The following GRIK4 variants were observed in gnomAD, a reference collection of about 807,000 sequenced individuals.
GRIK4 encodes glutamate receptor ionotropic, kainate 4.
Under a neutral mutation model 104.9 loss-of-function variants are expected in GRIK4, and 40 were observed. The observed-to-expected ratio is 0.38, with a 90% confidence interval of 0.30 to 0.50. The LOEUF is 0.50. Ranked by LOEUF, GRIK4 falls within the 20% of genes least tolerant of loss-of-function variation. The pLI is 0.93. For synonymous variants in GRIK4, 485 were observed against 524.9 expected, an observed-to-expected ratio of 0.92 and a Z score of 1.04; for missense variants, 1,047 against 1,308.1, an observed-to-expected ratio of 0.80 and a Z score of 3.08.
intron 1 of GRIK4, among the ~76,000 whole-genome samples, chr11:120,533,243 A>C (rs1299831296): frequency 1.3e-5 from 2 of 152,172 alleles, no homozygotes; most frequent in Non-Finnish European, 2.9e-5. Flanking sequence ...GTCAGAGGGG[A>C]CTTCTAGAGT....
At chr11:120,804,005 A>T (rs1481205554) in intron 4 of GRIK4, among the ~76,000 whole-genome samples, 1 of 152,180 alleles carries the variant, frequency 6.6e-6, no homozygotes, top group Non-Finnish European at 1.5e-5. Context: ...GCAGTCCATG[A>T]GACCTCCCTA....
At chr11:120,766,148 G>A (rs995645717) in intron 3 of GRIK4, among the ~76,000 whole-genome samples, 4 of 152,224 alleles carry the variant, frequency 2.6e-5, no homozygotes, top group African/African-American at 9.6e-5. Context: ...GAGATGCCTT[G>A]CCCAGAGAGG....
intron 3 of GRIK4, among the ~76,000 whole-genome samples, chr11:120,695,838 C>T (rs1296770446): frequency 1.3e-5 from 2 of 152,220 alleles, no homozygotes; most frequent in Non-Finnish European, 2.9e-5. Context: ...CAGCCAAGGA[C>T]CCAACTGAGT....
intron 3 of GRIK4, among the ~76,000 whole-genome samples, chr11:120,788,373 A>G (rs1010393387): frequency 6.6e-6 from 1 of 152,016 alleles, no homozygotes; most frequent in African/African-American, 2.4e-5. Context: ...ATGTTCTTGT[A>G]TGTGTCATTA....
intron 1 of GRIK4, among the ~76,000 whole-genome samples, chr11:120,553,726 T>TA (rs1948161368): frequency 1.3e-5 from 2 of 152,012 alleles, no homozygotes; most frequent in Admixed American, 6.5e-5. Context: ...TAAAAGGGGT[T>TA]AGGGAGCAGG....
At chr11:120,593,283 C>T (rs1351049276) in intron 1 of GRIK4, among the ~76,000 whole-genome samples, 1 of 151,810 alleles carries the variant, frequency 6.6e-6, no homozygotes, top group African/African-American at 2.4e-5. Flanking sequence ...TGGGCATACA[C>T]TGCCTCCACT....
intron 3 of GRIK4, among the ~76,000 whole-genome samples, chr11:120,715,939 G>C (rs548413375): frequency 6.6e-6 from 1 of 152,078 alleles, no homozygotes; most frequent in Non-Finnish European, 1.5e-5. Context: ...ATTCCAGGTG[G>C]GGGAAGTCAC....
At chr11:120,699,840 G>T (rs1481835930) in intron 3 of GRIK4, among the ~76,000 whole-genome samples, 1 of 152,184 alleles carries the variant, frequency 6.6e-6, no homozygotes, top group Non-Finnish European at 1.5e-5. Context: ...CCAGCTCGGG[G>T]CATGCCCAGG....
chr11:120,916,503 T>G (rs902990092), intron 13 of GRIK4, among the ~76,000 whole-genome samples: 3 of 152,222 alleles, frequency 2.0e-5, no homozygotes, highest in African/African-American at 7.2e-5. Context: ...CTTATGCACC[T>G]AACACAGTGC....
At chr11:120,920,241 A>G (rs1565439339) in intron 13 of GRIK4, among the ~76,000 whole-genome samples, 1 of 152,174 alleles carries the variant, frequency 6.6e-6, no homozygotes, top group Non-Finnish European at 1.5e-5. Flanking sequence ...TAAATGGAAT[A>G]TAATTCCTGT....
chr11:120,537,805 A>G (rs987277074), intron 1 of GRIK4, among the ~76,000 whole-genome samples: 1 of 152,020 alleles, frequency 6.6e-6, no homozygotes, highest in Non-Finnish European at 1.5e-5. Flanking sequence ...TAGAATAAAT[A>G]TATGTTCTTC....
chr11:120,732,294 G>T (rs920438048), intron 3 of GRIK4, among the ~76,000 whole-genome samples: 2 of 151,994 alleles, frequency 1.3e-5, no homozygotes, highest in South Asian at 4.2e-4. Flanking sequence ...ACAACACCCG[G>T]CTAATTTTTG....
intron 8 of GRIK4, among the ~76,000 whole-genome samples, chr11:120,839,504 C>G (rs1264662971): frequency 6.6e-6 from 1 of 152,130 alleles, no homozygotes. Context: ...ACTCACAATA[C>G]GAGTTTATTT....
chr11:120,559,811 C>T (rs761579561), intron 1 of GRIK4, among the ~76,000 whole-genome samples: 5 of 152,180 alleles, frequency 3.3e-5, no homozygotes, highest in Non-Finnish European at 7.3e-5. Context: ...TGCCAGCATG[C>T]CTGCCTCTTC....
chr11:120,720,902 CAA>C (rs1204533962), intron 3 of GRIK4, among the ~76,000 whole-genome samples: 3 of 152,002 alleles, frequency 2.0e-5, no homozygotes, highest in Non-Finnish European at 4.4e-5. Flanking sequence ...GAGATGAATG[CAA>C]AGACAGAAGA....
chr11:120,874,627 T>C (rs1376657934), intron 10 of GRIK4, among the ~76,000 whole-genome samples: 1 of 152,156 alleles, frequency 6.6e-6, no homozygotes, highest in Non-Finnish European at 1.5e-5. Flanking sequence ...GGGTTTCCCA[T>C]TGTTGTCCTC....
chr11:120,643,057 T>C (rs760680421), intron 1 of GRIK4, among the ~76,000 whole-genome samples: 2 of 152,104 alleles, frequency 1.3e-5, no homozygotes. Flanking sequence ...GAGCACCCAC[T>C]ATGTATGGCA....
chr11:120,961,740 G>A (rs1944290715), intron 17 of GRIK4, among the ~76,000 whole-genome samples: 1 of 152,230 alleles, frequency 6.6e-6, no homozygotes, highest in African/African-American at 2.4e-5. Flanking sequence ...TATGCCTCAA[G>A]CTCTCTTGGA....
At chr11:120,914,378 A>C (rs1177641756) in intron 13 of GRIK4, among the ~76,000 whole-genome samples, 2 of 152,220 alleles carry the variant, frequency 1.3e-5, no homozygotes, top group Non-Finnish European at 2.9e-5. Context: ...CAATAACTGA[A>C]TGTGGCAGGT....
Sources: gnomAD v4.1 joint callset for allele counts (sites outside exome capture counted in the v4.1 genomes callset) on GRCh38, gnomAD v4.1.1 for gene constraint, MANE v1.5 for transcripts, NCBI Gene and HGNC (gene_info 2026-07-23, HGNC 2026-07-21) for gene names.